The following SEM1 variants were observed in gnomAD, a reference collection of about 807,000 sequenced individuals.
SEM1 encodes SEM1 26S proteasome subunit.
A neutral mutation model predicts 12.7 loss-of-function variants in SEM1; 3 were observed. The ratio of observed to expected loss-of-function variants is 0.24; its 90% CI spans 0.11 to 0.61. The LOEUF (loss-of-function observed/expected upper bound fraction) is 0.61. Among genes scored for constraint, SEM1 ranks in the 20% least tolerant of loss-of-function variants. The pLI is 0.88. For synonymous variants in SEM1, 30 were observed against 27.8 expected (o/e 1.08, Z -0.25); for missense variants, 59 against 81.3 (o/e 0.73, Z 1.06).
At chr7:96,603,503 A>T (rs1410753544) in intron 2 of SEM1, among the ~76,000 whole-genome samples, 6 of 152,096 alleles carry the variant, frequency 3.9e-5, no homozygotes, top group African/African-American at 1.4e-4. Flanking sequence ...ACATTTTGGG[A>T]ATCTACCTCC....
chr7:96,620,222 T>C (rs1340047351), downstream of SEM1, among the ~76,000 whole-genome samples: 1 of 151,812 alleles, frequency 6.6e-6, no homozygotes, highest in Non-Finnish European at 1.5e-5. Context: ...AGGCAAGCAG[T>C]GTAGGCAAGA....
intron 2 of SEM1, among the ~76,000 whole-genome samples, chr7:96,563,233 G>A (rs1359065111): frequency 6.6e-6 from 1 of 152,060 alleles, no homozygotes; most frequent in Non-Finnish European, 1.5e-5. Context: ...CAAGGAGGTG[G>A]GTAGAGTGGC....
intron 2 of SEM1, among the ~76,000 whole-genome samples, chr7:96,541,607 G>A (rs1379408361): frequency 6.6e-6 from 1 of 151,098 alleles, no homozygotes; most frequent in Non-Finnish European, 1.5e-5. Context: ...GTTTAATTAG[G>A]TCCCACTTAT....
intron 2 of SEM1, among the ~76,000 whole-genome samples, chr7:96,567,847 A>G: frequency 6.6e-6 from 1 of 151,372 alleles, no homozygotes. Flanking sequence ...TATTCTTTTA[A>G]AGCAATGTTG....
At chr7:96,569,959 G>C (rs1298621564) in intron 2 of SEM1, among the ~76,000 whole-genome samples, 1 of 151,800 alleles carries the variant, frequency 6.6e-6, no homozygotes, top group African/African-American at 2.4e-5. Context: ...TTGATTCTTT[G>C]CTATTATAAA....
intron 1 of SEM1, among the ~76,000 whole-genome samples, chr7:96,491,911 C>T (rs1803023194): frequency 6.6e-6 from 1 of 152,118 alleles, no homozygotes; most frequent in South Asian, 2.1e-4. Context: ...CATCATTGCA[C>T]CCTTTTACAG....
At chr7:96,579,040 T>C (rs1484741059) in intron 2 of SEM1, among the ~76,000 whole-genome samples, 1 of 152,176 alleles carries the variant, frequency 6.6e-6, no homozygotes. Flanking sequence ...TGAGAATTCG[T>C]CTCTTAAATC....
At chr7:96,571,516 A>G (rs906837334) in intron 2 of SEM1, among the ~76,000 whole-genome samples, 1 of 151,380 alleles carries the variant, frequency 6.6e-6, no homozygotes, top group Admixed American at 6.6e-5. Context: ...ATGGTTGTAG[A>G]TGTGTGGCAT....
At chr7:96,500,700 C>G (rs932495914), upstream of SEM1, among the ~76,000 whole-genome samples, 1 of 152,166 alleles carries the variant, frequency 6.6e-6, no homozygotes. Context: ...CTTCCTTATA[C>G]TGCTTTAGTT....
At position 96,709,702 on chromosome 7, in the gene SEM1, T is replaced by C. The variant is rs1487352770; in HGVS notation, c.62A>G (p.Glu21Gly). The change falls in exon 1 of 3, where the codon GAG becomes GGG. Residue 21 changes from glutamate (E) to glycine (G), a missense_variant. Coordinates refer to ENST00000248566, the MANE Select transcript of SEM1 (RefSeq NM_006304.2). The stretch of plus-strand genomic sequence containing the variant: ...CCAGCGGTTACCTTCGGCAGGGAAC[T>C]CTTCAAACTCGTCGTCTTCCTCTAA... ...GLLEEDDEFE[E>G]FPAEDWAGLD... The C allele has an allele frequency of 1.2e-6, 2 of 1,613,512 alleles. No homozygotes were observed.
At chr7:96,679,966 G>GT (rs1346322334) in intron 2 of SEM1, among the ~76,000 whole-genome samples, 4 of 152,096 alleles carry the variant, frequency 2.6e-5, no homozygotes, top group Non-Finnish European at 5.9e-5. Flanking sequence ...GCCAGCGACT[G>GT]TAATTCTGTC....
chr7:96,583,084 T>C (rs1806477234), intron 2 of SEM1, among the ~76,000 whole-genome samples: 1 of 152,150 alleles, frequency 6.6e-6, no homozygotes, highest in African/African-American at 2.4e-5. Flanking sequence ...ATTTGGATCT[T>C]TCCTGCTTTC....
intron 2 of SEM1, among the ~76,000 whole-genome samples, chr7:96,599,378 T>A (rs1807118268): frequency 6.6e-6 from 1 of 150,578 alleles, no homozygotes. Context: ...AAACCCAGAG[T>A]AATAATAAAT....
intron 2 of SEM1, among the ~76,000 whole-genome samples, chr7:96,508,339 G>A (rs909046360): frequency 1.3e-5 from 2 of 152,064 alleles, no homozygotes; most frequent in African/African-American, 2.4e-5. Context: ...GGAAAGATAA[G>A]AGAAATAGAG....
rs556175421 is a variant in SEM1 at position 96,699,044 on chromosome 7, T to C, written c.77-4153A>G. 1.8e-4 allele frequency among the ~76,000 whole-genome samples: 27 copies of C among 152,318 alleles called. No homozygotes were observed. In the Middle Eastern group the frequency reaches 0.01, roughly 58 times the overall value. On this transcript the variant is annotated intron_variant, in intron 1 of 2. Transcript: ENST00000248566. ...TACTCTCATCTTTTCCAAGCCCTTA[T>C]GCCCTAGATTCATCTCATCTTGGTA...
In SEM1 at chr7:96,583,778, G is replaced by A. The variant is rs552176402; in HGVS notation, c.171-77080C>T. ...TGTTGGTTTAAAGTCTGTTTTATCC[G>A]AGACTAGGATTGCAACCCCTGCCTT... On this transcript the variant is annotated intron_variant and NMD_transcript_variant, in intron 2 of 3. Transcript: ENST00000466986. Among the ~76,000 whole-genome samples, 177 of 150,364 alleles carry A rather than the reference G, an allele frequency of 1.2e-3. 1 individual carries two copies. Among genetic ancestry groups the A allele is most frequent in the African/African-American group, 4.2e-3 (172 of 41,158 alleles).
intron 2 of SEM1, among the ~76,000 whole-genome samples, chr7:96,551,947 T>G (rs1488044608): frequency 6.6e-6 from 1 of 152,174 alleles, no homozygotes; most frequent in Non-Finnish European, 1.5e-5. Context: ...ATATTTCTGT[T>G]GTTTTACGCC....
intron 2 of SEM1, among the ~76,000 whole-genome samples, chr7:96,610,293 T>TTC (rs1341649795): frequency 6.6e-6 from 1 of 152,160 alleles, no homozygotes; most frequent in Non-Finnish European, 1.5e-5. Context: ...GAGATGGGGT[T>TTC]TCTCCATGTT....
intron 2 of SEM1, among the ~76,000 whole-genome samples, chr7:96,611,893 A>C (rs896846469): frequency 1.3e-5 from 2 of 152,048 alleles, no homozygotes; most frequent in Non-Finnish European, 2.9e-5. Context: ...TACTATCTAA[A>C]AGTCAATTCA....
Sources: allele counts gnomAD v4.1 joint callset (sites outside exome capture counted in the v4.1 genomes callset), GRCh38; gene constraint gnomAD v4.1.1; transcripts MANE v1.5; gene names NCBI Gene and HGNC (gene_info 2026-07-23, HGNC 2026-07-21).